Variants in ZNF274 observed in about 807,000 individuals in gnomAD.
The protein encoded by ZNF274 is zinc finger protein 274.
A neutral mutation model predicts 42.5 loss-of-function variants in ZNF274; 23 were observed. The ratio of observed to expected loss-of-function variants is 0.54; its 90% CI spans 0.39 to 0.77. ZNF274 has a LOEUF of 0.77. Among genes scored for constraint, ZNF274 ranks in the 30% least tolerant of loss-of-function variants. The pLI, the probability that ZNF274 is intolerant of heterozygous loss-of-function variation, is 0.00. For synonymous variants in ZNF274, 292 were observed against 305.4 expected, an observed-to-expected ratio of 0.96 and a Z score of 0.46; for missense variants, 679 against 806.5, an observed-to-expected ratio of 0.84 and a Z score of 1.91.
intron 4 of ZNF274, among the ~76,000 whole-genome samples, chr19:58,190,577 C>T (rs536085591): frequency 6.6e-6 from 1 of 152,254 alleles, no homozygotes; most frequent in East Asian, 1.9e-4. Flanking sequence ...CTAGAGCATA[C>T]TAAAGTGGTC....
At position 58,212,404 on chromosome 19, in the gene ZNF274, A is replaced by G. The variant is rs2076052891; in HGVS notation, c.1223A>G (p.Asn408Ser). Residue 408 changes from asparagine to serine, a missense_variant, in exon 8 of 8, where the codon AAC (asparagine) becomes AGC (serine). Physicochemically the swap from Asn to Ser is conservative, Grantham distance 46. Transcript: ENST00000617501. The surrounding 1 kb of genome is among the most constrained non-coding windows in gnomAD (Gnocchi z 4.6). ...KHFDNRESQA[N>S]SGALDTNQVS... ...TTTGACAACCGTGAGTCCCAGGCAA[A>G]CAGTGGTGCTCTTGACACAAACCAA... is the stretch of plus-strand genomic sequence containing the variant. The G allele has an allele frequency of 6.2e-7, 1 of 1,612,996 alleles. No homozygotes were observed. Among genetic ancestry groups the G allele is most frequent in the Non-Finnish European group, 8.5e-7 (1 of 1,179,466 alleles).
intron 4 of ZNF274, 92 bp from the exon 5 acceptor site, chr19:58,206,628 G>A (rs2075980860): frequency 2.8e-6 from 4 of 1,410,124 alleles, no homozygotes; most frequent in Non-Finnish European, 2.8e-6. Context: ...ATTCCACTGT[G>A]GTTTTGACTT....
intron 2 of ZNF274, chr19:58,185,330 A>G (rs157378): frequency 0.63 from 95,897 of 151,478 alleles, 30,954 homozygotes; most frequent in African/African-American, 0.75. Flanking sequence ...AGGCTGAGGC[A>G]GGAGAATCGC....
chr19:58,189,975 T>G (rs2075759341), intron 4 of ZNF274, among the ~76,000 whole-genome samples: 3 of 151,708 alleles, frequency 2.0e-5, no homozygotes, highest in Admixed American at 2.0e-4. Context: ...ATACAAAAAT[T>G]AGCTGGGCGT....
intron 3 of ZNF274, 48 bp downstream of exon 3, chr19:58,185,886 A>G: frequency 7.5e-7 from 1 of 1,325,582 alleles, no homozygotes; most frequent in Non-Finnish European, 9.7e-7. Flanking sequence ...TGTAGCACAA[A>G]TGTAGCACCT....
chr19:58,184,021 T>G, intron 2 of ZNF274, 23 bp downstream of exon 2: 2 of 1,583,860 alleles, frequency 1.3e-6, no homozygotes, highest in Non-Finnish European at 1.7e-6. Flanking sequence ...TTCCTTCAGC[T>G]TTTGAGTCCG....
In ZNF274 at chr19:58,212,246, A is replaced by C. The variant is rs1373124278; in HGVS notation, c.1065A>C (p.Gln355His). 2 of 1,613,714 alleles carry C rather than the reference A, an allele frequency of 1.2e-6. No individual in the cohort carries two copies. The highest frequency in any genetic ancestry group is 1.7e-6 in the Non-Finnish European group (2 of 1,179,902). Residue 355 changes from glutamine (Q) to histidine (H), a missense_variant, in exon 8 of 8, where the codon CAA becomes CAC. This residue lies in a region of ZNF274 where 456 missense variants were observed against 590.1 expected (regional missense o/e 0.77). Transcript: ENST00000617501. The surrounding 1 kb of genome is among the most constrained non-coding windows in gnomAD (Gnocchi z 4.6). Reference sequence around the variant, plus strand: ...AACCAGCCCCCAGCCTGAAAGTACAAGAATCCTCAAGGGATTGTGCCTTGT... The same window carrying C: ...AACCAGCCCCCAGCCTGAAAGTACACGAATCCTCAAGGGATTGTGCCTTGT... ...EEEPAPSLKV[Q>H]ESSRDCALSS...
intron 4 of ZNF274, among the ~76,000 whole-genome samples, chr19:58,193,996 C>T (rs538095411): frequency 2.8e-4 from 42 of 152,138 alleles, no homozygotes; most frequent in Middle Eastern, 3.4e-3. Context: ...GATGTGGTGG[C>T]TCACACCTGT....
chr19:58,204,042 C>T (rs1330653114), intron 4 of ZNF274, among the ~76,000 whole-genome samples: 2 of 152,184 alleles, frequency 1.3e-5, no homozygotes, highest in Non-Finnish European at 1.5e-5. Context: ...ACCTGTGCAG[C>T]GCGCAAACGG....
chr19:58,197,364 T>TTAAATAATAAA (rs2075856199), intron 4 of ZNF274, among the ~76,000 whole-genome samples: 1 of 152,214 alleles, frequency 6.6e-6, no homozygotes, highest in African/African-American at 2.4e-5. Context: ...AAGAACCCCG[T>TTAAATAATAAA]TGAATAATAA....
In ZNF274 at chr19:58,212,598, T is replaced by C; in HGVS notation, c.1417T>C (p.Cys473Arg). The C allele has an allele frequency of 6.2e-7, 1 of 1,613,982 alleles. No homozygotes were observed. The change falls in exon 8 of 8, where the codon TGT becomes CGT. Residue 473 changes from cysteine to arginine, a missense_variant. By Grantham distance (180) the Cys-to-Arg change is radical. This residue lies in a region of ZNF274 where 456 missense variants were observed against 590.1 expected (regional missense o/e 0.77). Coordinates refer to ENST00000617501, the MANE Select transcript of ZNF274 (RefSeq NM_133502.3). The surrounding 1 kb of genome is among the most constrained non-coding windows in gnomAD (Gnocchi z 4.6). The part of the protein sequence containing the change: ...NSRVKIHQKS[C>R]ERQKAKEGNG... ...ACGTGTAAAAATTCATCAGAAGAGC[T>C]GTGAAAGGCAAAAGGCCAAGGAAGG...
In ZNF274 at chr19:58,212,252, C is replaced by T. The variant is rs761093406; in HGVS notation, c.1071C>T (p.Ser357=). ...CCCCCAGCCTGAAAGTACAAGAATC[C>T]TCAAGGGATTGTGCCTTGTCCTCTA... ...EPAPSLKVQE[S]SRDCALSSTL... Residue 357 remains serine, a synonymous_variant, in exon 8 of 8, where the codon TCC becomes TCT. Transcript: ENST00000617501. This position sits in a 1 kb window ranked among gnomAD's most constrained non-coding sequence, Gnocchi z 4.6. 3 of 1,613,834 alleles carry T rather than the reference C, an allele frequency of 1.9e-6. No homozygotes were observed. The highest frequency in any genetic ancestry group is 2.5e-6 in the Non-Finnish European group (3 of 1,179,886).
intron 2 of ZNF274, among the ~76,000 whole-genome samples, chr19:58,185,101 CAGAG>C: frequency 7.6e-6 from 1 of 132,160 alleles, no homozygotes; most frequent in South Asian, 2.4e-4. Context: ...GCCTGGGCGA[CAGAG>C]AGAGACTCCG....
Position 58,183,906 on chromosome 19 carries a change from CT to C in ZNF274, c.-45-13del. On this transcript the variant is annotated splice_polypyrimidine_tract_variant and intron_variant, in intron 1 of 7. Coordinates refer to ENST00000617501, the MANE Select transcript of ZNF274 (RefSeq NM_133502.3). ...CTTAAGCCTCTCCCTCCCCTCCCAA[CT>C]TCGGTTTCCTCAGGACTCTGCCCAC... 6.4e-7 allele frequency: 1 copy of C among 1,551,192 alleles called. No homozygotes were observed. The highest frequency in any genetic ancestry group is 8.7e-7 in the Non-Finnish European group (1 of 1,144,108).
chr19:58,203,414 T>C (rs921179149), intron 4 of ZNF274, among the ~76,000 whole-genome samples: 1 of 151,806 alleles, frequency 6.6e-6, no homozygotes. Flanking sequence ...CGAAACCCTG[T>C]CTCTACTAAA....
chr19:58,204,815 C>T (rs1005583433), intron 4 of ZNF274, among the ~76,000 whole-genome samples: 1 of 152,074 alleles, frequency 6.6e-6, no homozygotes, highest in Non-Finnish European at 1.5e-5. Flanking sequence ...AAGACCAGGC[C>T]GTCCAGATGA....
At chr19:58,188,694 G>GTATATGTATATGTATATATATATA (rs1221412961) in intron 4 of ZNF274, among the ~76,000 whole-genome samples, 25 of 74,648 alleles carry the variant, frequency 3.3e-4, no homozygotes, top group African/African-American at 1.3e-3. Flanking sequence ...ATATGTATAT[G>GTATATGTATATGTATATATATATA]TATATATATA....
At chr19:58,188,814 G>A (rs2075744971) in intron 4 of ZNF274, among the ~76,000 whole-genome samples, 1 of 148,872 alleles carries the variant, frequency 6.7e-6, no homozygotes, top group Non-Finnish European at 1.5e-5. Context: ...TTGAGGCTAG[G>A]AGTTTGAGGT....
intron 4 of ZNF274, among the ~76,000 whole-genome samples, chr19:58,197,126 A>G (rs2075852641): frequency 1.3e-5 from 2 of 152,220 alleles, no homozygotes; most frequent in Admixed American, 1.3e-4. Context: ...GTTGTACTAG[A>G]GATTACCTGA....
Sources: allele counts gnomAD v4.1 joint callset (sites outside exome capture counted in the v4.1 genomes callset), GRCh38; gene constraint gnomAD v4.1.1; regional missense constraint gnomAD v4.1.1; non-coding constraint Gnocchi (gnomAD v3.1); transcripts MANE v1.5; gene names NCBI Gene and HGNC (gene_info 2026-07-23, HGNC 2026-07-21).